The following NT5DC1 variants were observed in gnomAD, a reference collection of about 807,000 sequenced individuals.
NT5DC1 encodes the protein 5'-nucleotidase domain-containing protein 1.
Under a neutral mutation model 59.4 loss-of-function variants are expected in NT5DC1, and 42 were observed. The observed-to-expected ratio is 0.71, with a 90% CI of 0.55 to 0.92. The LOEUF is 0.92. Ranked by LOEUF, NT5DC1 falls within the 40% of genes least tolerant of loss-of-function variation. The pLI is 0.00. For missense variants in NT5DC1, 501 were observed against 537.1 expected (o/e 0.93, Z 0.66); for synonymous variants, 172 against 188.1 (o/e 0.91, Z 0.70).
At chr6:116,173,643 C>T (rs1780666289) in intron 6 of NT5DC1, among the ~76,000 whole-genome samples, 1 of 152,100 alleles carries the variant, frequency 6.6e-6, no homozygotes, top group Admixed American at 6.5e-5. Context: ...TTGGGCTCCT[C>T]TTTTCCTGCA....
chr6:116,239,170 A>T, intron 11 of NT5DC1, 47 bp downstream of exon 11: 1 of 1,297,022 alleles, frequency 7.7e-7, no homozygotes, highest in Non-Finnish European at 1.1e-6. Context: ...CTAGACAATA[A>T]TGACCAGTAC....
chr6:116,204,790 A>G (rs866623988), intron 6 of NT5DC1, among the ~76,000 whole-genome samples: 1 of 151,972 alleles, frequency 6.6e-6, no homozygotes, highest in Non-Finnish European at 1.5e-5. Flanking sequence ...GAGAGAAAAA[A>G]CTTTGTCCAT....
chr6:116,237,897 A>G (rs189477596), intron 9 of NT5DC1, among the ~76,000 whole-genome samples: 1 of 152,220 alleles, frequency 6.6e-6, no homozygotes, highest in Non-Finnish European at 1.5e-5. Flanking sequence ...CTATGTAAAC[A>G]TATAGGTTCA....
intron 1 of NT5DC1, among the ~76,000 whole-genome samples, chr6:116,102,388 G>A (rs1778678281): frequency 6.6e-6 from 1 of 152,122 alleles, no homozygotes; most frequent in Admixed American, 6.5e-5. Context: ...GGTTTCCTTA[G>A]TCACATTGAG....
At chr6:116,175,255 G>C (rs1281918437) in intron 6 of NT5DC1, among the ~76,000 whole-genome samples, 2 of 152,022 alleles carry the variant, frequency 1.3e-5, no homozygotes, top group African/African-American at 2.4e-5. Context: ...TCCCACCCAA[G>C]AAAACTAATG....
rs752436023 is a variant in NT5DC1, at chr6:116,100,925, G to C, written c.-6G>C. ...CGAGGCGCTCCCTGGTGCTCCCCGC[G>C]CAGCCATGGCTCAGCACTTCTCCCT... is the stretch of plus-strand genomic sequence containing the variant. On this transcript the variant is annotated 5_prime_UTR_variant, in exon 1 of 12. Transcript: ENST00000319550. 20 of 1,593,390 alleles carry C rather than the reference G, an allele frequency of 1.3e-5. No homozygotes were observed. Among genetic ancestry groups the C allele is most frequent in the Non-Finnish European group, 1.6e-5 (19 of 1,172,146 alleles).
chr6:116,218,482 A>G (rs1276147616), intron 6 of NT5DC1, among the ~76,000 whole-genome samples: 1 of 152,168 alleles, frequency 6.6e-6, no homozygotes, highest in East Asian at 1.9e-4. Context: ...TCCCTTAGGT[A>G]TAGTAAGTTA....
rs148991008 is a variant in NT5DC1, at chr6:116,115,708, G to A, written c.382G>A (p.Asp128Asn). 10 of 1,595,582 alleles carry A rather than the reference G, an allele frequency of 6.3e-6. No individual in the cohort carries two copies. Among genetic ancestry groups the A allele is most frequent in the African/African-American group, 2.7e-5 (2 of 74,564 alleles). Residue 128 changes from aspartate (D) to asparagine (N), a missense_variant, in exon 5 of 12, where the codon GAC (aspartate) becomes AAC (asparagine). By Grantham distance (23) the Asp-to-Asn change is conservative (BLOSUM62 1). Coordinates refer to ENST00000319550, the MANE Select transcript of NT5DC1 (RefSeq NM_152729.3). ...ACRSGKYYFY[D>N]NYFDLPGALL... The stretch of plus-strand genomic sequence containing the variant: ...TTTTTTAGGAAAGTATTACTTTTAC[G>A]ACAACTACTTTGACCTGCCAGGAGC...
At chr6:116,152,035 G>A (rs1474887863) in intron 6 of NT5DC1, among the ~76,000 whole-genome samples, 9 of 152,130 alleles carry the variant, frequency 5.9e-5, no homozygotes, top group African/African-American at 2.2e-4. Context: ...ATAGTAACCT[G>A]GTTGATTTCA....
At chr6:116,176,705 C>A (rs557431781) in intron 6 of NT5DC1, among the ~76,000 whole-genome samples, 1 of 152,278 alleles carries the variant, frequency 6.6e-6, no homozygotes, top group South Asian at 2.1e-4. Context: ...GGACTTGCTG[C>A]CCTTCCTCCA....
chr6:116,168,812 T>C (rs372347893), intron 6 of NT5DC1, among the ~76,000 whole-genome samples: 4 of 152,326 alleles, frequency 2.6e-5, no homozygotes, highest in East Asian at 1.9e-4. Context: ...GGAGAACTTA[T>C]GTTTGCTTCT....
intron 11 of NT5DC1, among the ~76,000 whole-genome samples, chr6:116,239,677 TGAG>T (rs1253391268): frequency 6.6e-6 from 1 of 152,208 alleles, no homozygotes; most frequent in Non-Finnish European, 1.5e-5. Flanking sequence ...AAAATTGGAT[TGAG>T]GAGATTTCAG....
intron 6 of NT5DC1, among the ~76,000 whole-genome samples, chr6:116,131,733 G>C (rs1562130811): frequency 1.3e-5 from 2 of 152,062 alleles, no homozygotes; most frequent in African/African-American, 4.8e-5. Context: ...AGGTAAACTT[G>C]TGTCATGGGG....
intron 5 of NT5DC1, among the ~76,000 whole-genome samples, chr6:116,117,153 G>T (rs1778980031): frequency 6.6e-6 from 1 of 152,100 alleles, no homozygotes; most frequent in South Asian, 2.1e-4. Context: ...TGATGCCATA[G>T]TATGTTATAT....
chr6:116,233,341 C>T (rs768122995), intron 8 of NT5DC1, among the ~76,000 whole-genome samples: 12 of 152,132 alleles, frequency 7.9e-5, no homozygotes, highest in African/African-American at 1.2e-4. Context: ...CTAAAGCCCT[C>T]CTTCTTTTCT....
chr6:116,204,986 A>G (rs1562163778), intron 6 of NT5DC1, among the ~76,000 whole-genome samples: 1 of 152,042 alleles, frequency 6.6e-6, no homozygotes, highest in Non-Finnish European at 1.5e-5. Flanking sequence ...ATAACACCTT[A>G]TTGGAAAGAT....
chr6:116,213,134 G>T (rs1781613355), intron 6 of NT5DC1, among the ~76,000 whole-genome samples: 1 of 152,044 alleles, frequency 6.6e-6, no homozygotes, highest in Non-Finnish European at 1.5e-5. Context: ...ACAAAACTCA[G>T]TATCATGTCA....
In NT5DC1 at chr6:116,244,003, T is replaced by A. The variant is rs1562179723; in HGVS notation, c.1347T>A (p.Asp449Glu). 6.9e-7 allele frequency: 1 copy of A among 1,440,508 alleles called. No homozygotes were observed. Among genetic ancestry groups the A allele is most frequent in the Non-Finnish European group, 9.7e-7 (1 of 1,031,350 alleles). 89.2% of individuals were successfully genotyped at this position (1,440,508 alleles called of 1,614,324 possible). A position where few individuals can be genotyped will look rare whatever the true frequency, so the allele number is the denominator to read the frequency against. Residue 449 changes from aspartate to glutamate, a missense_variant, in exon 12 of 12, where the codon GAT (aspartate) becomes GAA (glutamate). By Grantham distance (45) the Asp-to-Glu change is conservative. Transcript: ENST00000319550. Reference protein sequence around the residue: ...YPNPPLVLSSDETLISK With the variant: ...YPNPPLVLSSEETLISK ...ATCCTCCACTGGTCTTATCAAGTGA[T>A]GAGACACTGATATCCAAATAAGTTG... is the stretch of plus-strand genomic sequence containing the variant.
intron 6 of NT5DC1, among the ~76,000 whole-genome samples, chr6:116,149,422 A>T (rs1779978580): frequency 6.6e-6 from 1 of 152,324 alleles, no homozygotes; most frequent in Non-Finnish European, 1.5e-5. Flanking sequence ...TTTTAGGATT[A>T]TGATTTTCTA....
Sources: gnomAD v4.1 joint callset for allele counts (sites outside exome capture counted in the v4.1 genomes callset) on GRCh38, gnomAD v4.1.1 for gene constraint, MANE v1.5 for transcripts, NCBI Gene and HGNC (gene_info 2026-07-23, HGNC 2026-07-21) for gene names.